The following DIAPH2 variants were observed in gnomAD, a reference collection of about 807,000 sequenced individuals.
The protein encoded by DIAPH2 is diaphanous related formin 2.
Under a neutral mutation model 92.7 loss-of-function variants are expected in DIAPH2, and 35 were observed. That is an observed-to-expected ratio of 0.38 (90% CI 0.29 to 0.50). DIAPH2 has a LOEUF of 0.50. Ranked by LOEUF, DIAPH2 falls within the 20% of genes least tolerant of loss-of-function variation. The pLI is 0.94. For synonymous variants in DIAPH2, 301 were observed against 280.4 expected (o/e 1.07, Z -0.73); for missense variants, 701 against 819.5 (o/e 0.86, Z 1.77).
intron 17 of DIAPH2, among the ~76,000 whole-genome samples, chrX:96,984,878 T>C (rs1170259594): frequency 1.8e-5 from 2 of 111,773 alleles, no homozygotes; most frequent in Admixed American, 9.5e-5. Context: ...CTGAACATTT[T>C]ATATATATTA....
intron 4 of DIAPH2, among the ~76,000 whole-genome samples, chrX:96,843,311 G>A (rs1011113305): frequency 2.7e-5 from 3 of 111,619 alleles, no homozygotes; most frequent in Non-Finnish European, 3.8e-5. Flanking sequence ...AGTACAGCCC[G>A]CAGAACTGTG....
intron 1 of DIAPH2, among the ~76,000 whole-genome samples, chrX:96,714,676 C>T: frequency 8.9e-6 from 1 of 112,225 alleles, no homozygotes; most frequent in Non-Finnish European, 1.9e-5. Flanking sequence ...AGCCTGGTGT[C>T]TGGCATTTTA....
intron 22 of DIAPH2, among the ~76,000 whole-genome samples, chrX:97,212,438 A>G (rs2067847789): frequency 9.0e-6 from 1 of 111,323 alleles, no homozygotes; most frequent in African/African-American, 3.3e-5. Flanking sequence ...CATAAGCTGC[A>G]TGATTTGCAA....
intron 4 of DIAPH2, among the ~76,000 whole-genome samples, chrX:96,761,593 C>T (rs1923585546): frequency 9.0e-6 from 1 of 111,342 alleles, no homozygotes; most frequent in South Asian, 3.7e-4. Flanking sequence ...CTCTTAGCTT[C>T]TGTTGGGTAC....
chrX:96,821,313 T>A (rs1317576812), intron 4 of DIAPH2, among the ~76,000 whole-genome samples: 1 of 112,212 alleles, frequency 8.9e-6, no homozygotes, highest in Non-Finnish European at 1.9e-5. Context: ...TTATTTGTTT[T>A]ATATTCTCCT....
intron 17 of DIAPH2, among the ~76,000 whole-genome samples, chrX:97,055,077 G>A (rs1287708159): frequency 9.9e-6 from 1 of 100,557 alleles, no homozygotes; most frequent in East Asian, 3.1e-4. Context: ...CACCCAGGCC[G>A]CCATACCTGG....
At chrX:97,267,572 G>A (rs779163814) in intron 23 of DIAPH2, among the ~76,000 whole-genome samples, 3 of 111,252 alleles carry the variant, frequency 2.7e-5, no homozygotes, top group Admixed American at 9.6e-5. Context: ...CTAACAAGTA[G>A]GAAGTCCCAT....
chrX:96,822,763 T>A (rs189326278), intron 4 of DIAPH2, among the ~76,000 whole-genome samples: 66 of 112,448 alleles, frequency 5.9e-4, no homozygotes, highest in Admixed American at 5.6e-3. Flanking sequence ...AGAACTTTTA[T>A]AAATCAAGAA....
intron 23 of DIAPH2, among the ~76,000 whole-genome samples, chrX:97,306,342 G>T (rs1374116462): frequency 9.0e-6 from 1 of 111,300 alleles, no homozygotes; most frequent in Non-Finnish European, 1.9e-5. Flanking sequence ...ATTGGTGGTG[G>T]TGAGGTTGTG....
chrX:96,802,705 G>C (rs1352701429), intron 4 of DIAPH2, among the ~76,000 whole-genome samples: 1 of 111,484 alleles, frequency 9.0e-6, no homozygotes, highest in Non-Finnish European at 1.9e-5. Context: ...TAATAGGATA[G>C]GTGTATACAT....
chrX:97,436,864 A>G (rs764446803), intron 26 of DIAPH2, among the ~76,000 whole-genome samples: 1 of 112,322 alleles, frequency 8.9e-6, no homozygotes, highest in African/African-American at 3.2e-5. Context: ...AGAGTTTGAC[A>G]GTCATCATTG....
At chrX:97,426,327 C>T (rs2070063777) in intron 25 of DIAPH2, among the ~76,000 whole-genome samples, 1 of 108,838 alleles carries the variant, frequency 9.2e-6, no homozygotes, top group Non-Finnish European at 1.9e-5. Flanking sequence ...CCCTGTCACC[C>T]AGGCTGGATG....
intron 26 of DIAPH2, among the ~76,000 whole-genome samples, chrX:97,516,019 G>A (rs759661165): frequency 1.6e-4 from 18 of 110,539 alleles, no homozygotes; most frequent in Admixed American, 7.7e-4. Flanking sequence ...ACCGGGAGGC[G>A]GAGGCGGGCG....
chrX:96,815,356 G>T (rs754688208), intron 4 of DIAPH2, among the ~76,000 whole-genome samples: 4 of 111,594 alleles, frequency 3.6e-5, no homozygotes, highest in African/African-American at 9.8e-5. Context: ...TAATCTTCTC[G>T]TGTGCTGTTT....
At chrX:97,351,798 G>A (rs1176728189) in intron 24 of DIAPH2, among the ~76,000 whole-genome samples, 5 of 110,567 alleles carry the variant, frequency 4.5e-5, no homozygotes, top group South Asian at 3.8e-4. Flanking sequence ...GAGAGACTCC[G>A]TCTCAAAACA....
At chrX:97,212,203 T>C (rs983207053) in intron 22 of DIAPH2, among the ~76,000 whole-genome samples, 13 of 111,708 alleles carry the variant, frequency 1.2e-4, no homozygotes, top group Admixed American at 1.9e-4. Flanking sequence ...AAATAAAATA[T>C]CCCTTCAGCA....
At chrX:97,068,507 A>G (rs2066647926) in intron 17 of DIAPH2, among the ~76,000 whole-genome samples, 1 of 111,288 alleles carries the variant, frequency 9.0e-6, no homozygotes, top group Non-Finnish European at 1.9e-5. Flanking sequence ...TGATATTTCC[A>G]GAAATGCATA....
intron 26 of DIAPH2, among the ~76,000 whole-genome samples, chrX:97,589,665 T>G (rs1247622788): frequency 2.7e-5 from 3 of 112,235 alleles, no homozygotes; most frequent in Middle Eastern, 4.6e-3. Context: ...GATCTAGCTT[T>G]ATACATTTAT....
In DIAPH2 at chrX:97,385,452, C is replaced by T. The variant is rs980639089; in HGVS notation, c.3145+1408C>T. ...TTCACTGTGTTGACCAGGCTGGTCT[C>T]GAACTCCTGACCTCGTGATCCACCC... is the stretch of plus-strand genomic sequence containing the variant. On this transcript the variant is annotated intron_variant, in intron 25 of 26. Coordinates refer to ENST00000324765, the MANE Select transcript of DIAPH2 (RefSeq NM_006729.5). 7.2e-5 allele frequency among the ~76,000 whole-genome samples: 8 copies of T among 110,768 alleles called. No individual in the cohort carries two copies. In the South Asian group the frequency reaches 1.5e-3, roughly 21 times the overall value.
Sources: gnomAD v4.1 joint callset for allele counts (sites outside exome capture counted in the v4.1 genomes callset) on GRCh38, gnomAD v4.1.1 for gene constraint, MANE v1.5 for transcripts, NCBI Gene and HGNC (gene_info 2026-07-23, HGNC 2026-07-21) for gene names.